Variants in VRK3 observed in about 807,000 individuals in gnomAD.
VRK3 encodes the protein VRK serine/threonine kinase 3.
Under a neutral mutation model 60.4 loss-of-function variants are expected in VRK3, and 50 were observed. The ratio of observed to expected loss-of-function variants is 0.83; its 90% CI spans 0.66 to 1.05. VRK3 has a LOEUF of 1.05. Ranked by LOEUF, VRK3 falls within the 50% of genes least tolerant of loss-of-function variation. The probability of loss-of-function intolerance (pLI) is 0.00; values close to 1 mark genes in which losing one functional copy is unlikely to be tolerated. For missense variants in VRK3, 549 were observed against 585.3 expected (o/e 0.94, Z 0.64); for synonymous variants, 246 against 227.8 (o/e 1.08, Z -0.72).
intron 3 of VRK3, among the ~76,000 whole-genome samples, chr19:50,011,914 T>C (rs1304882137): frequency 6.6e-6 from 1 of 151,162 alleles, no homozygotes; most frequent in Non-Finnish European, 1.5e-5. Flanking sequence ...TCACCTCTGC[T>C]CCCCATACCA....
In VRK3 at chr19:50,009,311, G is replaced by A; in HGVS notation, c.214C>T (p.Pro72Ser). 1 of 1,614,148 alleles carries A rather than the reference G, an allele frequency of 6.2e-7. No individual in the cohort carries two copies. Among genetic ancestry groups the A allele is most frequent in the Non-Finnish European group, 8.5e-7 (1 of 1,180,018 alleles). ...CCATCTGAGAAGAGGGATAATCGGG[G>A]AGAGGTGACGGTGCTGGACCATTTC... ...KVKWSSTVTS[P>S]RLSLFSDGDS... The change falls in exon 4 of 15, where the codon CCC becomes TCC. Residue 72 changes from proline (P) to serine (S), a missense_variant. Coordinates refer to ENST00000316763, the MANE Select transcript of VRK3 (RefSeq NM_016440.4).
intron 9 of VRK3, among the ~76,000 whole-genome samples, chr19:49,993,545 G>C (rs150214388): frequency 0.052 from 7,955 of 151,930 alleles, 685 homozygotes; most frequent in African/African-American, 0.18. Context: ...ACTACAGGTG[G>C]GTGCCACCAC....
intron 2 of VRK3, among the ~76,000 whole-genome samples, chr19:50,019,789 T>C (rs1013357423): frequency 6.8e-6 from 1 of 146,508 alleles, no homozygotes; most frequent in African/African-American, 2.5e-5. Context: ...CTTCCTGCCT[T>C]GGCTTCCCAA....
intron 3 of VRK3, chr19:50,015,528 TG>T (rs1311279470): frequency 1.9e-5 from 3 of 155,564 alleles, no homozygotes; most frequent in East Asian, 1.8e-4. Flanking sequence ...AGGCTGGTCT[TG>T]AACTCCTGAC....
chr19:49,994,888 G>T lies in VRK3; in HGVS notation c.796C>A (p.Leu266Ile). The change falls in exon 9 of 15, where the codon CTT (leucine) becomes ATT (isoleucine). Residue 266 changes from leucine to isoleucine, a missense_variant. By Grantham distance (5) the Leu-to-Ile change is conservative. Coordinates refer to ENST00000316763, the MANE Select transcript of VRK3 (RefSeq NM_016440.4). ...FLVLPSLGRS[L>I]QSALDVSPKH... The stretch of plus-strand genomic sequence containing the variant: ...GGGCTGACATCCAGGGCCGACTGAA[G>T]GCTCCTCCCCAGGCTGGGTAACACC... 1 of 1,614,138 alleles carries T rather than the reference G, an allele frequency of 6.2e-7. No individual in the cohort carries two copies. The highest frequency in any genetic ancestry group is 2.2e-5 in the East Asian group (1 of 44,888).
In VRK3 at chr19:50,007,782, T is replaced by A. The variant is rs1217423290; in HGVS notation, c.334A>T (p.Thr112Ser). 1.2e-6 allele frequency: 2 copies of A among 1,614,010 alleles called. No individual in the cohort carries two copies. Among genetic ancestry groups the A allele is most frequent in the East Asian group, 2.2e-5 (1 of 44,896 alleles). ...CTGGTCACCTGAGGGCTCTTCCTGGTCTTCTGAGGGCTGCTTTTGGGGGTT... is the reference window on the plus strand; with the variant it reads ...CTGGTCACCTGAGGGCTCTTCCTGGACTTCTGAGGGCTGCTTTTGGGGGTT... ...PPTPKSSPQK[T>S]RKSPQVTRGS... The change falls in exon 5 of 15, where the codon ACC becomes TCC. Residue 112 changes from threonine (T) to serine (S), a missense_variant. Coordinates refer to ENST00000316763, the MANE Select transcript of VRK3 (RefSeq NM_016440.4).
intron 12 of VRK3, among the ~76,000 whole-genome samples, chr19:49,987,366 C>A (rs1303356294): frequency 6.6e-6 from 1 of 152,142 alleles, no homozygotes; most frequent in African/African-American, 2.4e-5. Context: ...GAACACACAC[C>A]TTAGTGCCTC....
intron 12 of VRK3, chr19:49,981,272 C>T: frequency 2.0e-6 from 1 of 497,470 alleles, no homozygotes. Flanking sequence ...TTTGGCCGGG[C>T]ACAGTGGCTC....
At chr19:50,010,048 T>TTATATATATATATA (rs767619218) in intron 3 of VRK3, among the ~76,000 whole-genome samples, 4 of 148,240 alleles carry the variant, frequency 2.7e-5, no homozygotes, top group African/African-American at 7.5e-5. Flanking sequence ...AATAATTATT[T>TTATATATATATATA]TATATATATA....
intron 4 of VRK3, among the ~76,000 whole-genome samples, chr19:50,008,164 GGAAGGGATGTTA>G (rs1485870810): frequency 6.6e-6 from 1 of 152,162 alleles, no homozygotes; most frequent in Admixed American, 6.5e-5. Context: ...GCTTCCTGGA[GGAAGGGATGTTA>G]GAGTTGGATC....
intron 5 of VRK3, 70 bp from the exon 6 acceptor site, chr19:50,000,924 C>T: frequency 1.4e-6 from 2 of 1,481,328 alleles, no homozygotes; most frequent in Admixed American, 1.9e-5. Flanking sequence ...CCCCAAACTT[C>T]CCAGCAATGA....
chr19:49,995,743 C>G (rs990143513), intron 7 of VRK3, among the ~76,000 whole-genome samples: 7 of 152,012 alleles, frequency 4.6e-5, no homozygotes, highest in Admixed American at 3.9e-4. Flanking sequence ...GTAGCATTTG[C>G]TAATTTCTTT....
intron 2 of VRK3, among the ~76,000 whole-genome samples, chr19:50,019,715 C>CTTTTTTTTTTTTTTTTTTTTTTTTTTT (rs1225686835): frequency 1.4e-4 from 7 of 50,328 alleles, no homozygotes; most frequent in Non-Finnish European, 2.4e-4. Flanking sequence ...TTTTTTTTTA[C>CTTTTTTTTTTTTTTTTTTTTTTTTTTT]TTTTTGTAGA....
Position 49,988,386 on chromosome 19 carries a change from C to T in VRK3, c.1203G>A (p.Met401Ile). ...CCTAGACTCACTTCTGTTTTTGCTT[C>T]ATGATGTCCTCAGTGTTGGGAAGGC... The part of the protein sequence containing the change: ...TNCLPNTEDI[M>I]KQKQKFVDKP... Residue 401 changes from methionine (M) to isoleucine (I), a missense_variant, in exon 12 of 15, where the codon ATG becomes ATA. Coordinates refer to ENST00000316763, the MANE Select transcript of VRK3 (RefSeq NM_016440.4). 4 of 1,612,802 alleles carry T rather than the reference C, an allele frequency of 2.5e-6. No homozygotes were observed. The highest frequency in any genetic ancestry group is 3.4e-6 in the Non-Finnish European group (4 of 1,179,196).
chr19:49,997,657 T>C, intron 6 of VRK3, 87 bp from the exon 7 acceptor site: 1 of 1,462,956 alleles, frequency 6.8e-7, no homozygotes, highest in Non-Finnish European at 9.4e-7. Flanking sequence ...TGTTACTCCC[T>C]CAATGACCAG....
chr19:50,018,338 C>T (rs2077110259), intron 2 of VRK3, among the ~76,000 whole-genome samples: 1 of 152,194 alleles, frequency 6.6e-6, no homozygotes. Context: ...TCCCTTTCTT[C>T]TTTGATAGGA....
chr19:50,004,192 G>T (rs922177902), intron 5 of VRK3, among the ~76,000 whole-genome samples: 1 of 152,130 alleles, frequency 6.6e-6, no homozygotes, highest in Non-Finnish European at 1.5e-5. Flanking sequence ...TTCCACTGTG[G>T]GTTTCTGGGG....
chr19:50,023,357 A>G (rs1265391011), intron 1 of VRK3, among the ~76,000 whole-genome samples: 1 of 152,004 alleles, frequency 6.6e-6, no homozygotes, highest in Non-Finnish European at 1.5e-5. Flanking sequence ...GGCTAATTTT[A>G]TATTTTTAGT....
intron 1 of VRK3, among the ~76,000 whole-genome samples, chr19:50,024,379 G>A (rs768509477): frequency 6.6e-6 from 1 of 152,214 alleles, no homozygotes; most frequent in Non-Finnish European, 1.5e-5. Flanking sequence ...GGTATTGCCA[G>A]CAAACAAGTT....
Sources: gnomAD v4.1 joint callset for allele counts (sites outside exome capture counted in the v4.1 genomes callset) on GRCh38, gnomAD v4.1.1 for gene constraint, MANE v1.5 for transcripts, NCBI Gene and HGNC (gene_info 2026-07-23, HGNC 2026-07-21) for gene names.